XYLT1: variants seen among roughly 807,000 people sequenced by gnomAD.
XYLT1 encodes beta-D-xylosyltransferase 1.
XYLT1 carries 36 observed loss-of-function variants against 91.3 expected under a neutral mutation model. The observed-to-expected ratio is 0.39, with a 90% CI of 0.30 to 0.52. The LOEUF is 0.52. Ranked by LOEUF, XYLT1 falls within the 20% of genes least tolerant of loss-of-function variation. The pLI, the probability that XYLT1 is intolerant of heterozygous loss-of-function variation, is 0.68. For missense variants in XYLT1, 1,242 were observed against 1,284.5 expected (o/e 0.97, Z 0.51); for synonymous variants, 588 against 532.0 (o/e 1.11, Z -1.45).
chr16:17,351,999 C>T (rs2035227934), intron 2 of XYLT1, among the ~76,000 whole-genome samples: 1 of 152,098 alleles, frequency 6.6e-6, no homozygotes, highest in Non-Finnish European at 1.5e-5. Context: ...CAAAAATTAG[C>T]ATACACCTGT....
In XYLT1 at chr16:17,160,399, C is replaced by T. The variant is rs1026203464; in HGVS notation, c.1290-1490G>A. On this transcript the variant is annotated intron_variant, in intron 5 of 11. Transcript: ENST00000261381. ...CTTCATTTCCCTGCGCCTCTGCAGT[C>T]TCGCCACTCCAAGCCCCTGTTCTCT... Among the ~76,000 whole-genome samples the T allele has an allele frequency of 2.0e-5, 3 of 152,208 alleles. No homozygotes were observed. In the East Asian group the frequency reaches 5.8e-4, roughly 29 times the overall value.
At chr16:17,254,463 C>T (rs1045901915) in intron 3 of XYLT1, among the ~76,000 whole-genome samples, 1 of 152,196 alleles carries the variant, frequency 6.6e-6, no homozygotes, top group Non-Finnish European at 1.5e-5. Context: ...GGCACAATCT[C>T]AGCTCACTGC....
rs183524739 is a variant in XYLT1, at chr16:17,221,505, G to C, written c.914-20851C>G. 9.0e-3 allele frequency among the ~76,000 whole-genome samples: 1,375 copies of C among 152,288 alleles called. 18 individuals carry two copies. Among genetic ancestry groups the C allele is most frequent in the Non-Finnish European group, 0.012 (816 of 68,032 alleles). The stretch of plus-strand genomic sequence containing the variant: ...TAGCATAACCAAGATCACACAGCTA[G>C]TGGCCAAGCTGGGATCTGAACCCAG... On this transcript the variant is annotated intron_variant, in intron 3 of 11. Coordinates refer to ENST00000261381, the MANE Select transcript of XYLT1 (RefSeq NM_022166.4).
chr16:17,467,946 G>C (rs907848853), intron 1 of XYLT1, among the ~76,000 whole-genome samples: 3 of 152,154 alleles, frequency 2.0e-5, no homozygotes, highest in Non-Finnish European at 4.4e-5. Flanking sequence ...AAATCACGGG[G>C]ATTTGTTTCT....
At chr16:17,456,779 T>C (rs529492561) in intron 1 of XYLT1, among the ~76,000 whole-genome samples, 3 of 152,324 alleles carry the variant, frequency 2.0e-5, no homozygotes, top group African/African-American at 7.2e-5. Flanking sequence ...AAGTCTTCTC[T>C]GTGACTGCAG....
chr16:17,455,610 A>G (rs1207378170), intron 1 of XYLT1, among the ~76,000 whole-genome samples: 1 of 151,820 alleles, frequency 6.6e-6, no homozygotes, highest in Non-Finnish European at 1.5e-5. Context: ...AAATAAATAA[A>G]TAAATAAATA....
At chr16:17,402,877 C>A (rs1404021900) in intron 1 of XYLT1, among the ~76,000 whole-genome samples, 1 of 151,932 alleles carries the variant, frequency 6.6e-6, no homozygotes, top group Non-Finnish European at 1.5e-5. Flanking sequence ...AAAGCTGGAA[C>A]TACAGGCAAC....
At chr16:17,223,062 C>T (rs1243242604) in intron 3 of XYLT1, among the ~76,000 whole-genome samples, 1 of 151,412 alleles carries the variant, frequency 6.6e-6, no homozygotes. Context: ...GAAAGGCTGA[C>T]ATTTGTTAAG....
Position 17,164,098 on chromosome 16 carries a change from G to C in XYLT1, c.1290-5189C>G, listed in dbSNP as rs192679109. Among the ~76,000 whole-genome samples the C allele has an allele frequency of 3.4e-5, 5 of 145,586 alleles. No individual in the cohort carries two copies. In the East Asian group the frequency reaches 8.2e-4, roughly 24 times the overall value. On this transcript the variant is annotated intron_variant, in intron 5 of 11. Coordinates refer to ENST00000261381, the MANE Select transcript of XYLT1 (RefSeq NM_022166.4). Reference sequence around the variant, plus strand: ...AGACTATGCTGGTGCATGAGGGACTGTGAAGTCAGGCAAGTTGAGGAAGTT... The same window carrying C: ...AGACTATGCTGGTGCATGAGGGACTCTGAAGTCAGGCAAGTTGAGGAAGTT...
chr16:17,424,109 C>T (rs903855370), intron 1 of XYLT1, among the ~76,000 whole-genome samples: 1 of 152,208 alleles, frequency 6.6e-6, no homozygotes, highest in Admixed American at 6.5e-5. Flanking sequence ...ACCCAGGAGA[C>T]ACTCGGTCAT....
chr16:17,464,754 TGA>T (rs895207212), intron 1 of XYLT1, among the ~76,000 whole-genome samples: 13 of 152,136 alleles, frequency 8.5e-5, no homozygotes, highest in African/African-American at 3.1e-4. Flanking sequence ...ATTTGCATCA[TGA>T]GTTAGGGGTC....
intron 7 of XYLT1, 78 bp from the exon 8 acceptor site, chr16:17,138,609 C>T: frequency 6.5e-7 from 1 of 1,539,230 alleles, no homozygotes; most frequent in East Asian, 2.3e-5. Context: ...ATGGTGAACC[C>T]TTGCTCTGAG....
intron 1 of XYLT1, among the ~76,000 whole-genome samples, chr16:17,453,251 A>C (rs1030934855): frequency 1.3e-5 from 2 of 152,202 alleles, no homozygotes; most frequent in Admixed American, 6.5e-5. Flanking sequence ...CCATTCCTTA[A>C]GTTTGTTCAT....
At chr16:17,129,095 A>C (rs1386226639) in intron 9 of XYLT1, among the ~76,000 whole-genome samples, 1 of 150,118 alleles carries the variant, frequency 6.7e-6, no homozygotes, top group Non-Finnish European at 1.5e-5. Flanking sequence ...AAAAAAAAAA[A>C]AACTTGAACA....
chr16:17,416,182 C>A (rs569184638), intron 1 of XYLT1, among the ~76,000 whole-genome samples: 1 of 152,360 alleles, frequency 6.6e-6, no homozygotes, highest in South Asian at 2.1e-4. Context: ...TATACAGCTC[C>A]CGCCCTGTCC....
At chr16:17,339,742 C>T (rs1346942366) in intron 2 of XYLT1, among the ~76,000 whole-genome samples, 1 of 152,120 alleles carries the variant, frequency 6.6e-6, no homozygotes, top group African/African-American at 2.4e-5. Flanking sequence ...CTTCCAATCC[C>T]CAGCACCTAA....
At chr16:17,384,126 G>C (rs188718728) in intron 1 of XYLT1, among the ~76,000 whole-genome samples, 126 of 151,932 alleles carry the variant, frequency 8.3e-4, no homozygotes, top group African/African-American at 2.9e-3. Context: ...GGCCTCTGGG[G>C]GTTGCTGGGA....
At chr16:17,267,703 C>A (rs1307223876) in intron 2 of XYLT1, among the ~76,000 whole-genome samples, 1 of 152,198 alleles carries the variant, frequency 6.6e-6, no homozygotes, top group Non-Finnish European at 1.5e-5. Flanking sequence ...GCCACCACGC[C>A]CGGCCAAGAC....
intron 3 of XYLT1, among the ~76,000 whole-genome samples, chr16:17,251,613 C>T (rs1396736029): frequency 6.6e-6 from 1 of 152,154 alleles, no homozygotes; most frequent in African/African-American, 2.4e-5. Flanking sequence ...AGGCTGGTGG[C>T]CGTGAGGGCC....
Sources: allele counts gnomAD v4.1 joint callset (sites outside exome capture counted in the v4.1 genomes callset), GRCh38; gene constraint gnomAD v4.1.1; transcripts MANE v1.5; gene names NCBI Gene and HGNC (gene_info 2026-07-23, HGNC 2026-07-21).